The following COL5A2 variants were observed in gnomAD, a reference collection of about 807,000 sequenced individuals.
The protein encoded by COL5A2 is collagen type V alpha 2 chain.
COL5A2 carries 23 observed loss-of-function variants against 208.2 expected under a neutral mutation model. That is an observed-to-expected ratio of 0.11 (90% CI 0.08 to 0.16). The LOEUF (loss-of-function observed/expected upper bound fraction) is 0.16. Among genes scored for constraint, COL5A2 ranks in the 10% least tolerant of loss-of-function variants. The probability of loss-of-function intolerance (pLI) is 1.00; values close to 1 mark genes in which losing one functional copy is unlikely to be tolerated. For synonymous variants in COL5A2, 625 were observed against 628.5 expected (o/e 0.99, Z 0.08); for missense variants, 1,590 against 1,956.4 (o/e 0.81, Z 3.53).
At chr2:189,212,141 T>C (rs1689219973) in intron 1 of COL5A2, among the ~76,000 whole-genome samples, 1 of 152,176 alleles carries the variant, frequency 6.6e-6, no homozygotes, top group Non-Finnish European at 1.5e-5. Flanking sequence ...CAGATCAACC[T>C]TCAGTAGTTC....
chr2:189,272,103 C>T, the COL5A2 span, among the ~76,000 whole-genome samples: 2 of 152,182 alleles, frequency 1.3e-5, no homozygotes, highest in East Asian at 1.9e-4. Flanking sequence ...GACAGTGTGG[C>T]GATTCCTCAA....
At chr2:189,330,037 T>C in the COL5A2 span, among the ~76,000 whole-genome samples, 1 of 152,160 alleles carries the variant, frequency 6.6e-6, no homozygotes, top group Non-Finnish European at 1.5e-5. Flanking sequence ...TAATAAACTT[T>C]TAACAGTACT....
chr2:189,350,210 C>T, the COL5A2 span, among the ~76,000 whole-genome samples: 1 of 151,950 alleles, frequency 6.6e-6, no homozygotes, highest in Admixed American at 6.6e-5. Context: ...ATTTGACGTA[C>T]ATATGTATTA....
upstream of COL5A2, among the ~76,000 whole-genome samples, chr2:189,183,142 A>G (rs976964453): frequency 6.6e-6 from 1 of 152,148 alleles, no homozygotes; most frequent in Non-Finnish European, 1.5e-5. Flanking sequence ...ACTCTAGTTT[A>G]GATTGCACTG....
the COL5A2 span, among the ~76,000 whole-genome samples, chr2:189,428,207 T>C: frequency 6.6e-6 from 1 of 152,156 alleles, no homozygotes; most frequent in African/African-American, 2.4e-5. Context: ...CATGTTAAAA[T>C]ATAATCCCCA....
the COL5A2 span, among the ~76,000 whole-genome samples, chr2:189,378,152 C>T: frequency 6.6e-6 from 1 of 152,152 alleles, no homozygotes. Context: ...ATTTACTCCT[C>T]CATGGCCAAT....
Position 189,058,378 on chromosome 2 carries a change from A to G in COL5A2, c.2229+51T>C, listed in dbSNP as rs7556733. ...ATTCTCACACCATCATGCGTTTATT[A>G]AGCAGTAATTTTAAAGCATTTTAAA... On this transcript the variant is annotated intron_variant, in intron 33 of 53. Transcript: ENST00000374866. The G allele has an allele frequency of 0.97, 1,308,925 of 1,346,514 alleles. 636,876 individuals carry two copies. The highest frequency in any genetic ancestry group is 0.98 in the Non-Finnish European group (920,162 of 936,532). The allele number at this position is 1,346,514 out of a possible 1,614,324, so 83.4% of individuals were successfully genotyped here. A position where few individuals can be genotyped will look rare whatever the true frequency, so the allele number is the denominator to read the frequency against.
Position 189,034,889 on chromosome 2 carries a change from G to T in COL5A2, c.4353+27C>A, listed in dbSNP as rs779210661. On this transcript the variant is annotated intron_variant, in intron 53 of 53. Coordinates refer to ENST00000374866, the MANE Select transcript of COL5A2 (RefSeq NM_000393.5). ...AAAAATAATTTTTTTTCCTCAACCA[G>T]ATCAATGTAGATCAAAAAGTACTTA... 10 of 1,613,556 alleles carry T rather than the reference G, an allele frequency of 6.2e-6. No individual in the cohort carries two copies. The Admixed American group carries it at 1.7e-4, about 27-fold the overall frequency.
At chr2:189,320,560 G>A in the COL5A2 span, among the ~76,000 whole-genome samples, 2 of 152,204 alleles carry the variant, frequency 1.3e-5, no homozygotes, top group African/African-American at 4.8e-5. Flanking sequence ...GGAAGAAAGA[G>A]TATCAGTGAT....
chr2:189,277,351 T>C, the COL5A2 span, among the ~76,000 whole-genome samples: 2 of 152,080 alleles, frequency 1.3e-5, no homozygotes. Flanking sequence ...ATCAGAAAAT[T>C]AAGGTAAATC....
chr2:189,329,693 G>C, the COL5A2 span, among the ~76,000 whole-genome samples: 13,737 of 152,064 alleles, frequency 0.09, 1,415 homozygotes, highest in African/African-American at 0.24. Flanking sequence ...AACCTCTTAA[G>C]CTCTCAAAAC....
the COL5A2 span, among the ~76,000 whole-genome samples, chr2:189,395,549 G>C: frequency 3.9e-5 from 6 of 151,958 alleles, no homozygotes; most frequent in African/African-American, 1.5e-4. Flanking sequence ...TGAAAATATA[G>C]CTCACTGTTT....
In COL5A2 at chr2:189,057,161, C is replaced by CT. The variant is rs1361294053; in HGVS notation, c.2338-136dup. On this transcript the variant is annotated intron_variant, in intron 34 of 53. Coordinates refer to ENST00000374866, the MANE Select transcript of COL5A2 (RefSeq NM_000393.5). ...GGTGAGCCTGGGATGGTGCCTCACACTGTGCATTTTCTCAGTAAATGTTTA... is the reference window on the plus strand; with the variant it reads ...GGTGAGCCTGGGATGGTGCCTCACACTTGTGCATTTTCTCAGTAAATGTTTA... The CT allele has an allele frequency of 1.1e-5, 12 of 1,094,902 alleles. No individual in the cohort carries two copies. In the East Asian group the frequency reaches 2.9e-4, roughly 26 times the overall value. 67.8% of individuals were successfully genotyped at this position (1,094,902 alleles called of 1,614,324 possible).
In COL5A2 at chr2:189,039,449, C is replaced by T; in HGVS notation, c.3748G>A (p.Glu1250Lys). The T allele has an allele frequency of 5.0e-6, 8 of 1,614,044 alleles. No individual in the cohort carries two copies. Among genetic ancestry groups the T allele is most frequent in the Non-Finnish European group, 6.8e-6 (8 of 1,180,004 alleles). Residue 1250 changes from glutamate (E) to lysine (K), a missense_variant, in exon 51 of 54, where the codon GAG becomes AAG. Coordinates refer to ENST00000374866, the MANE Select transcript of COL5A2 (RefSeq NM_000393.5). ...GGAGCCGCCTGATCTTCAGTAAACT[C>T]AGGAAGTGGATCTGGCATGCTTTCA... is the stretch of plus-strand genomic sequence containing the variant. ...YDESMPDPLP[E>K]FTEDQAAPDD... is the part of the protein sequence containing the mutation.
At chr2:189,132,168 G>A (rs1213181938) in intron 1 of COL5A2, among the ~76,000 whole-genome samples, 3 of 152,156 alleles carry the variant, frequency 2.0e-5, no homozygotes, top group African/African-American at 4.8e-5. Context: ...GAATAGCCAC[G>A]TTTTGCATCT....
chr2:189,160,075 C>T (rs1312112898), intron 1 of COL5A2, among the ~76,000 whole-genome samples: 3 of 152,042 alleles, frequency 2.0e-5, no homozygotes, highest in Non-Finnish European at 1.5e-5. Context: ...TTGCCATCCT[C>T]CCTTTTTTCT....
At chr2:189,440,347 C>T in the COL5A2 span, among the ~76,000 whole-genome samples, 3 of 152,126 alleles carry the variant, frequency 2.0e-5, no homozygotes, top group Non-Finnish European at 4.4e-5. Context: ...CCTACACAAA[C>T]CTAGATGGTA....
chr2:189,292,653 G>C, the COL5A2 span, among the ~76,000 whole-genome samples: 3 of 152,182 alleles, frequency 2.0e-5, no homozygotes, highest in East Asian at 3.9e-4. Flanking sequence ...GACACTGTTG[G>C]TGGGACTGTA....
intron 3 of COL5A2, among the ~76,000 whole-genome samples, chr2:189,102,047 G>T (rs1023501154): frequency 2.0e-5 from 3 of 152,032 alleles, no homozygotes; most frequent in African/African-American, 7.2e-5. Flanking sequence ...AATGCTGAAA[G>T]AATTTGAATT....
Sources: allele counts gnomAD v4.1 joint callset (sites outside exome capture counted in the v4.1 genomes callset), GRCh38; gene constraint gnomAD v4.1.1; transcripts MANE v1.5; gene names NCBI Gene and HGNC (gene_info 2026-07-23, HGNC 2026-07-21).